Variants in AKT2 observed in about 807,000 individuals in gnomAD.
AKT2 encodes AKT serine/threonine kinase 2.
In AKT2, 16 loss-of-function variants were observed where a neutral mutation model predicts 58.6. The ratio of observed to expected loss-of-function variants is 0.27; its 90% confidence interval spans 0.18 to 0.41. AKT2 has a LOEUF of 0.41. AKT2 is among the 10% of genes least tolerant of loss of function. AKT2 has a pLI of 1.00. For synonymous variants in AKT2, 253 were observed against 254.0 expected (o/e 1.00, Z 0.04); for missense variants, 438 against 661.0 (o/e 0.66, Z 3.70).
At position 40,260,087 on chromosome 19, in the gene AKT2, G is replaced by A. The variant is rs141381790; in HGVS notation, c.47-3033C>T. 7.5e-3 allele frequency among the ~76,000 whole-genome samples: 1,136 copies of A among 152,174 alleles called. 19 individuals carry two copies. The highest frequency in any genetic ancestry group is 0.026 in the African/African-American group (1,092 of 41,512). The stretch of plus-strand genomic sequence containing the variant: ...GAATCATGTGAACCCAGGAGGTGGA[G>A]GTTACAGTGAGCTGAGATCGTGCCA... On this transcript the variant is annotated intron_variant, in intron 2 of 13. Coordinates refer to ENST00000392038, the MANE Select transcript of AKT2 (RefSeq NM_001626.6).
rs147329443 is a variant in AKT2 at position 40,232,108 on chromosome 19, C to T, written c.*1764G>A. The T allele has an allele frequency of 2.0e-3, 478 of 233,812 alleles. 4 individuals are homozygous for T. Among genetic ancestry groups the T allele is most frequent in the African/African-American group, 9.5e-3 (430 of 45,444 alleles). The allele number at this position is 233,812 out of a possible 1,614,324, so 14.5% of individuals were successfully genotyped here. ...GTGGTCTCTGTCCACCCCACCCCCA[C>T]ATGCGGGGAGCCTTCCCATACCCCT... is the stretch of plus-strand genomic sequence containing the variant. On this transcript the variant is annotated 3_prime_UTR_variant, in exon 14 of 14. Transcript: ENST00000392038.
At chr19:40,269,591 G>A (rs896312451) in intron 1 of AKT2, 2 of 152,128 alleles carry the variant, frequency 1.3e-5, no homozygotes, top group African/African-American at 4.8e-5. Flanking sequence ...CCACGACCTA[G>A]CAATTCGTCT....
chr19:40,277,513 G>T (rs868448835), intron 1 of AKT2, among the ~76,000 whole-genome samples: 6 of 152,042 alleles, frequency 3.9e-5, no homozygotes, highest in African/African-American at 1.5e-4. Context: ...TCTCTTTGGG[G>T]ATAAAGCCCT....
chr19:40,244,441 T>C (rs1483601783), intron 4 of AKT2: 3 of 152,104 alleles, frequency 2.0e-5, no homozygotes, highest in Admixed American at 6.5e-5. Flanking sequence ...ATAATTTTCT[T>C]TGGATACTTA....
rs1006575750 is a variant in AKT2 at position 40,234,651 on chromosome 19, G to A, written c.1366+394C>T. On this transcript the variant is annotated intron_variant, in intron 13 of 13. Transcript: ENST00000392038. The surrounding 1 kb of genome is among the most constrained non-coding windows in gnomAD (Gnocchi z 4.7). The stretch of plus-strand genomic sequence containing the variant: ...GCCCTAGCCCTGACCACTCCAGGCC[G>A]CCCACCCTACCTGGGCTGGGAGCTT... The A allele has an allele frequency of 1.3e-5, 7 of 550,718 alleles. No homozygotes were observed. The highest frequency in any genetic ancestry group is 3.4e-5 in the Admixed American group (1 of 29,508). The allele number at this position is 550,718 out of a possible 1,614,324, so 34.1% of individuals were successfully genotyped here. A position where few individuals can be genotyped will look rare whatever the true frequency, so the allele number is the denominator to read the frequency against.
rs1974490700 is a variant in AKT2 at position 40,242,696 on chromosome 19, G to C, written c.288-9C>G. 6.2e-7 allele frequency: 1 copy of C among 1,609,522 alleles called. No individual in the cohort carries two copies. Among genetic ancestry groups the C allele is most frequent in the Non-Finnish European group, 8.5e-7 (1 of 1,179,954 alleles). On this transcript the variant is annotated splice_polypyrimidine_tract_variant and intron_variant, in intron 4 of 13. Transcript: ENST00000392038. The surrounding 1 kb of genome is among the most constrained non-coding windows in gnomAD (Gnocchi z 4.3). ...CCCGCATCCACTCCTCCCTGTGCAGGGACACACGTGAGTCCCAGCAGCCAG... is the reference window on the plus strand; with the variant it reads ...CCCGCATCCACTCCTCCCTGTGCAGCGACACACGTGAGTCCCAGCAGCCAG...
chr19:40,266,651 T>C (rs1976376362), intron 1 of AKT2, among the ~76,000 whole-genome samples: 1 of 151,998 alleles, frequency 6.6e-6, no homozygotes, highest in East Asian at 1.9e-4. Flanking sequence ...ATCCTCAGCA[T>C]CCCCACATCT....
intron 1 of AKT2, 98 bp from the exon 2 acceptor site, chr19:40,265,449 C>A: frequency 6.8e-7 from 1 of 1,475,536 alleles, no homozygotes; most frequent in Non-Finnish European, 9.0e-7. Flanking sequence ...GCTGTTCTGC[C>A]CACTCAGCAA....
chr19:40,258,434 G>A (rs576878077), intron 2 of AKT2, among the ~76,000 whole-genome samples: 2 of 152,088 alleles, frequency 1.3e-5, no homozygotes, highest in East Asian at 3.9e-4. Flanking sequence ...CACTTTGGGA[G>A]GCTGAGGCAG....
In AKT2 at chr19:40,234,436, C is replaced by G. The variant is rs1973884841; in HGVS notation, c.1367-485G>C. On this transcript the variant is annotated intron_variant, in intron 13 of 13. Transcript: ENST00000392038. The surrounding 1 kb of genome is among the most constrained non-coding windows in gnomAD (Gnocchi z 4.7). ...AGACCCTTGCACTCCAGCCCCATGCCCTCTCTTCTCACCACCATCTCCCTG... is the reference window on the plus strand; with the variant it reads ...AGACCCTTGCACTCCAGCCCCATGCGCTCTCTTCTCACCACCATCTCCCTG... 4.3e-6 allele frequency: 1 copy of G among 235,042 alleles called. No individual in the cohort carries two copies. The highest frequency in any genetic ancestry group is 8.3e-6 in the Non-Finnish European group (1 of 120,128). 14.6% of individuals were successfully genotyped at this position (235,042 alleles called of 1,614,324 possible).
chr19:40,239,662 G>C (rs1396057662), intron 7 of AKT2: 3 of 382,892 alleles, frequency 7.8e-6, no homozygotes, highest in African/African-American at 2.1e-5. Flanking sequence ...CAGGCTGACA[G>C]ACAACACAAT....
chr19:40,284,974 T>G, intron 1 of AKT2: 5 of 319,022 alleles, frequency 1.6e-5, no homozygotes, highest in East Asian at 9.8e-5. Context: ...ACCGCCTCAG[T>G]GGTATGGCCC....
chr19:40,242,418 G>T lies in AKT2; in HGVS notation c.441+116C>A. The T allele has an allele frequency of 1.3e-6, 2 of 1,496,728 alleles. No individual in the cohort carries two copies. The highest frequency in any genetic ancestry group is 1.8e-6 in the Non-Finnish European group (2 of 1,087,008). The allele number at this position is 1,496,728 out of a possible 1,614,324, so 92.7% of individuals were successfully genotyped here. A position where few individuals can be genotyped will look rare whatever the true frequency, so the allele number is the denominator to read the frequency against. On this transcript the variant is annotated intron_variant, in intron 5 of 13. Coordinates refer to ENST00000392038, the MANE Select transcript of AKT2 (RefSeq NM_001626.6). The surrounding 1 kb of genome is among the most constrained non-coding windows in gnomAD (Gnocchi z 4.3). The stretch of plus-strand genomic sequence containing the variant: ...TGAAATCACCCCACCCTGCAGGGCA[G>T]CCTTGTCTCTCAGCTGAGCCCCCTG...
At chr19:40,258,920 A>C (rs1299146307) in intron 2 of AKT2, among the ~76,000 whole-genome samples, 4 of 152,182 alleles carry the variant, frequency 2.6e-5, no homozygotes, top group Non-Finnish European at 5.9e-5. Flanking sequence ...CCTCACATTC[A>C]CATGGAATTT....
chr19:40,235,206 T>A lies in AKT2; in HGVS notation c.1263+57A>T. 1 of 1,613,370 alleles carries A rather than the reference T, an allele frequency of 6.2e-7. No homozygotes were observed. Among genetic ancestry groups the A allele is most frequent in the Non-Finnish European group, 8.5e-7 (1 of 1,179,522 alleles). ...TGAGGCCAGGAGGCCTCAACCAAGGTCACCACGAGTGGGCCAGGTCCCTGA... is the reference window on the plus strand; with the variant it reads ...TGAGGCCAGGAGGCCTCAACCAAGGACACCACGAGTGGGCCAGGTCCCTGA... On this transcript the variant is annotated intron_variant, in intron 12 of 13. Transcript: ENST00000392038. This position sits in a 1 kb window ranked among gnomAD's most constrained non-coding sequence, Gnocchi z 6.3.
At position 40,239,050 on chromosome 19, in the gene AKT2, C is replaced by T. The variant is rs540294790; in HGVS notation, c.640-77G>A. The T allele has an allele frequency of 1.0e-5, 15 of 1,495,380 alleles. No homozygotes were observed. In the South Asian group the frequency reaches 1.0e-4, roughly 10 times the overall value. 92.6% of individuals were successfully genotyped at this position (1,495,380 alleles called of 1,614,324 possible). ...GAGCCATGCCAGGGCAGGGCCCTGGCCCTGCTTATTCTGCACACACACACC... is the reference window on the plus strand; with the variant it reads ...GAGCCATGCCAGGGCAGGGCCCTGGTCCTGCTTATTCTGCACACACACACC... On this transcript the variant is annotated intron_variant, in intron 7 of 13. Coordinates refer to ENST00000392038, the MANE Select transcript of AKT2 (RefSeq NM_001626.6).
Position 40,249,190 on chromosome 19 carries a change from G to C in AKT2, c.287+5968C>G, listed in dbSNP as rs1473453659. 3.9e-5 allele frequency among the ~76,000 whole-genome samples: 6 copies of C among 152,140 alleles called. No individual in the cohort carries two copies. In the East Asian group the frequency reaches 5.8e-4, roughly 15 times the overall value. ...GAAGTCGCTGAAGGGTTTTAGTCAGGGGGGAACAGGCTCCAAATTTCTGTT... is the reference window on the plus strand; with the variant it reads ...GAAGTCGCTGAAGGGTTTTAGTCAGCGGGGAACAGGCTCCAAATTTCTGTT... On this transcript the variant is annotated intron_variant, in intron 4 of 13. Coordinates refer to ENST00000392038, the MANE Select transcript of AKT2 (RefSeq NM_001626.6).
intron 3 of AKT2, among the ~76,000 whole-genome samples, chr19:40,256,100 G>A (rs1052450136): frequency 6.6e-6 from 1 of 152,204 alleles, no homozygotes; most frequent in African/African-American, 2.4e-5. Flanking sequence ...GGACCTTGAA[G>A]ACACTTGGGG....
Position 40,255,364 on chromosome 19 carries a change from C to T in AKT2, c.176-95G>A, listed in dbSNP as rs577796892. On this transcript the variant is annotated intron_variant, in intron 3 of 13. Coordinates refer to ENST00000392038, the MANE Select transcript of AKT2 (RefSeq NM_001626.6). ...CGAGCCACCTCCCACAGGCCTAGCC[C>T]CATGCTAGATGGTGCTGGGGACACT... 30 of 974,400 alleles carry T rather than the reference C, an allele frequency of 3.1e-5. 1 individual carries two copies. In the Admixed American group the frequency reaches 3.8e-4, roughly 12 times the overall value. The allele number at this position is 974,400 out of a possible 1,614,324, so 60.4% of individuals were successfully genotyped here.
Sources: gnomAD v4.1 joint callset for allele counts (sites outside exome capture counted in the v4.1 genomes callset) on GRCh38, gnomAD v4.1.1 for gene constraint, Gnocchi (gnomAD v3.1) non-coding constraint, MANE v1.5 for transcripts, NCBI Gene and HGNC (gene_info 2026-07-23, HGNC 2026-07-21) for gene names.